The following MYRFL variants were observed in gnomAD, a reference collection of about 807,000 sequenced individuals.
The protein encoded by MYRFL is myelin regulatory factor like.
Under a neutral mutation model 109.4 loss-of-function variants are expected in MYRFL, and 88 were observed. The observed-to-expected ratio is 0.80, with a 90% CI of 0.68 to 0.96. The LOEUF (loss-of-function observed/expected upper bound fraction) is 0.96. Among genes scored for constraint, MYRFL ranks in the 40% least tolerant of loss-of-function variants. The pLI, the probability that MYRFL is intolerant of heterozygous loss-of-function variation, is 0.00. For synonymous variants in MYRFL, 324 were observed against 320.9 expected (o/e 1.01, Z -0.10); for missense variants, 957 against 954.9 (o/e 1.00, Z -0.03).
At chr12:69,882,761 G>A (rs1322395944) in intron 5 of MYRFL, among the ~76,000 whole-genome samples, 3 of 152,146 alleles carry the variant, frequency 2.0e-5, no homozygotes, top group Non-Finnish European at 2.9e-5. Flanking sequence ...AAGGGTTCAT[G>A]GCCTCCCTGG....
At chr12:69,852,277 CTCT>C (rs1883920697) in intron 1 of MYRFL, among the ~76,000 whole-genome samples, 1 of 151,988 alleles carries the variant, frequency 6.6e-6, no homozygotes, top group Non-Finnish European at 1.5e-5. Flanking sequence ...CAATGTAGGT[CTCT>C]TCATTTATTC....
chr12:69,858,041 A>T (rs1469408785), intron 2 of MYRFL, among the ~76,000 whole-genome samples: 1 of 151,752 alleles, frequency 6.6e-6, no homozygotes. Context: ...GTTCTCTTCC[A>T]CTGTTAGTTT....
intron 9 of MYRFL, among the ~76,000 whole-genome samples, chr12:69,895,897 G>A (rs141020358): frequency 1.5e-4 from 23 of 152,228 alleles, no homozygotes; most frequent in Admixed American, 1.3e-3. Context: ...TTAGACCTGT[G>A]GTTTTCAAAG....
At chr12:69,946,310 G>C (rs1955838794) in intron 19 of MYRFL, among the ~76,000 whole-genome samples, 1 of 152,104 alleles carries the variant, frequency 6.6e-6, no homozygotes, top group Admixed American at 6.5e-5. Flanking sequence ...ACTAGGCTCT[G>C]TGATACACTG....
chr12:69,944,687 T>G (rs112840681), intron 19 of MYRFL, among the ~76,000 whole-genome samples: 1 of 149,448 alleles, frequency 6.7e-6, no homozygotes, highest in South Asian at 2.1e-4. Flanking sequence ...AGTATAATAA[T>G]AAAAGAAAAA....
At position 69,868,872 on chromosome 12, in the gene MYRFL, G is replaced by A. The variant is rs117088916; in HGVS notation, c.138-10156G>A. On this transcript the variant is annotated intron_variant, in intron 2 of 24. Coordinates refer to ENST00000552032, the MANE Select transcript of MYRFL (RefSeq NM_182530.3). ...CATGCACACATGTGCACACACACGC[G>A]CACACACATGCACTCACACACACGT... 7.0e-4 allele frequency among the ~76,000 whole-genome samples: 106 copies of A among 151,854 alleles called. 1 individual carries two copies. In the East Asian group the frequency reaches 0.017, roughly 24 times the overall value.
intron 2 of MYRFL, among the ~76,000 whole-genome samples, chr12:69,873,086 A>T (rs150201597): frequency 6.6e-6 from 1 of 152,282 alleles, no homozygotes; most frequent in African/African-American, 2.4e-5. Context: ...TGCTATGCAC[A>T]AATTTCTTTT....
chr12:69,901,415 T>C (rs1198182650), intron 10 of MYRFL, among the ~76,000 whole-genome samples: 3 of 152,238 alleles, frequency 2.0e-5, no homozygotes, highest in Non-Finnish European at 2.9e-5. Flanking sequence ...ATATTTAGAA[T>C]GTTGTGAATC....
chr12:69,957,911 G>A lies in MYRFL; in HGVS notation c.2540G>A (p.Ser847Asn). 2.0e-6 allele frequency: 3 copies of A among 1,534,816 alleles called. No individual in the cohort carries two copies. The highest frequency in any genetic ancestry group is 2.6e-6 in the Non-Finnish European group (3 of 1,145,970). Reference protein sequence around the residue: ...HSKRGTKGLESHREISQEMTQ... With the variant: ...HSKRGTKGLENHREISQEMTQ... ...AAAAGGGGAACCAAAGGGCTGGAAA[G>A]CCACAGAGAAATCTCCCAGGAGATG... The change falls in exon 23 of 25, where the codon AGC becomes AAC. Residue 847 changes from serine to asparagine, a missense_variant. Transcript: ENST00000552032.
At chr12:69,899,130 A>G (rs1954100908) in intron 10 of MYRFL, among the ~76,000 whole-genome samples, 1 of 152,202 alleles carries the variant, frequency 6.6e-6, no homozygotes, top group Non-Finnish European at 1.5e-5. Context: ...TTGGTTAGAG[A>G]GAATACCCTA....
At chr12:69,937,647 C>T (rs541694889) in intron 19 of MYRFL, among the ~76,000 whole-genome samples, 7 of 152,286 alleles carry the variant, frequency 4.6e-5, no homozygotes, top group African/African-American at 1.2e-4. Context: ...AAGCAAGTCA[C>T]GTCACATTGG....
chr12:69,949,734 T>C (rs1307419113), intron 19 of MYRFL, among the ~76,000 whole-genome samples: 3 of 152,122 alleles, frequency 2.0e-5, no homozygotes, highest in African/African-American at 7.2e-5. Flanking sequence ...TCTTCCAGTG[T>C]GGCCTAGGGA....
At chr12:69,862,512 T>C (rs1350215473) in intron 2 of MYRFL, among the ~76,000 whole-genome samples, 1 of 150,622 alleles carries the variant, frequency 6.6e-6, no homozygotes, top group Non-Finnish European at 1.5e-5. Flanking sequence ...TTTGAAGCAA[T>C]TGTGAATGGG....
intron 13 of MYRFL, among the ~76,000 whole-genome samples, chr12:69,921,020 AT>A (rs1954895126): frequency 6.6e-6 from 1 of 152,136 alleles, no homozygotes; most frequent in Non-Finnish European, 1.5e-5. Context: ...TGGTTTAATC[AT>A]TTTTACATCA....
intron 5 of MYRFL, among the ~76,000 whole-genome samples, chr12:69,882,969 A>G (rs2136334358): frequency 6.6e-6 from 1 of 152,354 alleles, no homozygotes. Context: ...GAGAATAATA[A>G]TTTTGACTTT....
intron 2 of MYRFL, among the ~76,000 whole-genome samples, chr12:69,873,158 C>G (rs1592734376): frequency 6.6e-6 from 1 of 152,138 alleles, no homozygotes; most frequent in Non-Finnish European, 1.5e-5. Flanking sequence ...GGTGTCCAAT[C>G]TGTTGGCTTC....
chr12:69,896,272 A>G (rs1020687447), intron 9 of MYRFL, among the ~76,000 whole-genome samples: 8 of 152,198 alleles, frequency 5.3e-5, no homozygotes, highest in Non-Finnish European at 8.8e-5. Flanking sequence ...AATGTAGGTA[A>G]ACTGCTTAGC....
At chr12:69,886,189 C>T (rs1448218456) in intron 5 of MYRFL, among the ~76,000 whole-genome samples, 3 of 152,122 alleles carry the variant, frequency 2.0e-5, no homozygotes, top group African/African-American at 4.8e-5. Context: ...CTCCTGTTAA[C>T]GCGAGGGTTT....
At chr12:69,955,253 T>C (rs922548382) in intron 21 of MYRFL, 110 bp from the exon 22 acceptor site, 28 of 400,126 alleles carry the variant, frequency 7.0e-5, no homozygotes, top group African/African-American at 5.2e-4. Context: ...TATTTATTAT[T>C]TACTATATAA....
Sources: allele counts gnomAD v4.1 joint callset (sites outside exome capture counted in the v4.1 genomes callset), GRCh38; gene constraint gnomAD v4.1.1; transcripts MANE v1.5; gene names NCBI Gene and HGNC (gene_info 2026-07-23, HGNC 2026-07-21).